Variants in BCKDHB observed in about 807,000 individuals in gnomAD.
BCKDHB encodes 2-oxoisovalerate dehydrogenase subunit beta, mitochondrial.
In BCKDHB, 41 loss-of-function variants were observed where a neutral mutation model predicts 48.5. The observed-to-expected ratio is 0.85, with a 90% CI of 0.66 to 1.10. The LOEUF is 1.10. Ranked by LOEUF, BCKDHB falls within the 50% of genes least tolerant of loss-of-function variation. The pLI, the probability that BCKDHB is intolerant of heterozygous loss-of-function variation, is 0.00. For synonymous variants in BCKDHB, 201 were observed against 174.8 expected, an observed-to-expected ratio of 1.15 and a Z score of -1.18; for missense variants, 496 against 494.2, an observed-to-expected ratio of 1.00 and a Z score of -0.03.
chr6:80,199,644 G>A (rs996074421), intron 6 of BCKDHB, among the ~76,000 whole-genome samples: 1 of 151,578 alleles, frequency 6.6e-6, no homozygotes, highest in Non-Finnish European at 1.5e-5. Context: ...GAGCGTGGTG[G>A]TGCGTGCCTG....
At chr6:80,408,450 C>A in the BCKDHB span, among the ~76,000 whole-genome samples, 1 of 151,830 alleles carries the variant, frequency 6.6e-6, no homozygotes. Context: ...TTTTTTTTAA[C>A]CTCTGGTAGA....
At chr6:80,302,199 G>A (rs1396663429) in intron 9 of BCKDHB, among the ~76,000 whole-genome samples, 1 of 152,064 alleles carries the variant, frequency 6.6e-6, no homozygotes, top group Non-Finnish European at 1.5e-5. Flanking sequence ...AAGAAATGAA[G>A]AAATCAAACT....
chr6:80,141,098 G>A (rs1275437355), intron 3 of BCKDHB, among the ~76,000 whole-genome samples: 1 of 152,134 alleles, frequency 6.6e-6, no homozygotes, highest in East Asian at 1.9e-4. Context: ...GCGTAGAGGT[G>A]TTTGTAGTAA....
the BCKDHB span, among the ~76,000 whole-genome samples, chr6:80,396,130 C>A: frequency 6.6e-6 from 1 of 152,300 alleles, no homozygotes; most frequent in South Asian, 2.1e-4. Context: ...ACAGAGTCCC[C>A]ACTGGGGTAT....
chr6:80,366,308 G>C, the BCKDHB span, among the ~76,000 whole-genome samples: 1 of 151,940 alleles, frequency 6.6e-6, no homozygotes, highest in African/African-American at 2.4e-5. Flanking sequence ...GACACAATTT[G>C]ATCTTGGGGA....
chr6:80,165,262 A>G (rs1054965340), intron 3 of BCKDHB, among the ~76,000 whole-genome samples: 4 of 152,178 alleles, frequency 2.6e-5, no homozygotes, highest in Admixed American at 6.5e-5. Context: ...CACTGGAATC[A>G]TAGATTTTCA....
At chr6:80,241,344 A>G (rs923633592) in intron 8 of BCKDHB, among the ~76,000 whole-genome samples, 10 of 152,034 alleles carry the variant, frequency 6.6e-5, no homozygotes, top group Admixed American at 4.6e-4. Context: ...TGATTTTTAG[A>G]ATTTTCAGCT....
chr6:80,203,267 G>A (rs111872218), intron 8 of BCKDHB, 55 bp downstream of exon 8: 2 of 1,204,674 alleles, frequency 1.7e-6, no homozygotes, highest in Admixed American at 1.7e-5. Flanking sequence ...GGCCAAATAT[G>A]TTGTATATTT....
At chr6:80,360,583 C>T in the BCKDHB span, among the ~76,000 whole-genome samples, 1 of 152,086 alleles carries the variant, frequency 6.6e-6, no homozygotes, top group African/African-American at 2.4e-5. Flanking sequence ...CTTAGTGATG[C>T]CATTTTTTTA....
At chr6:80,183,645 G>T (rs1773514066) in intron 6 of BCKDHB, among the ~76,000 whole-genome samples, 1 of 152,102 alleles carries the variant, frequency 6.6e-6, no homozygotes, top group Non-Finnish European at 1.5e-5. Flanking sequence ...CACTCTTAGT[G>T]TTGTACCTTC....
intron 8 of BCKDHB, among the ~76,000 whole-genome samples, chr6:80,259,296 A>G (rs1777189455): frequency 6.6e-6 from 1 of 152,174 alleles, no homozygotes; most frequent in Non-Finnish European, 1.5e-5. Context: ...TTATGGTTTC[A>G]GTGTCACTGA....
chr6:80,134,239 A>C (rs2322631), intron 3 of BCKDHB, among the ~76,000 whole-genome samples: 55,846 of 152,082 alleles, frequency 0.37, 12,268 homozygotes, highest in Admixed American at 0.56. Context: ...AGGCCTAAAC[A>C]TGTGCCTTTT....
chr6:80,398,466 A>G, the BCKDHB span, among the ~76,000 whole-genome samples: 4 of 152,046 alleles, frequency 2.6e-5, no homozygotes, highest in Non-Finnish European at 5.9e-5. Flanking sequence ...CAGACAAACC[A>G]GAAAACAAGA....
intron 9 of BCKDHB, among the ~76,000 whole-genome samples, chr6:80,301,564 A>G (rs2127991308): frequency 6.6e-6 from 1 of 152,296 alleles, no homozygotes; most frequent in African/African-American, 2.4e-5. Flanking sequence ...TCACAGTCAA[A>G]TTCTACCAGA....
intron 9 of BCKDHB, among the ~76,000 whole-genome samples, chr6:80,295,259 C>G (rs1344755486): frequency 3.9e-5 from 6 of 152,072 alleles, no homozygotes. Flanking sequence ...ATACCTGAAA[C>G]TGGGTAATTT....
chr6:80,247,563 C>T (rs1776667230), intron 8 of BCKDHB, among the ~76,000 whole-genome samples: 1 of 152,172 alleles, frequency 6.6e-6, no homozygotes, highest in Admixed American at 6.6e-5. Context: ...CTCTTGTTCA[C>T]TTGGATGTCT....
At chr6:80,162,458 C>T (rs931860171) in intron 3 of BCKDHB, among the ~76,000 whole-genome samples, 1 of 152,110 alleles carries the variant, frequency 6.6e-6, no homozygotes, top group Non-Finnish European at 1.5e-5. Context: ...GTTATTATTC[C>T]TTCTCTCCAT....
At chr6:80,131,155 A>G (rs1770609695) in intron 3 of BCKDHB, among the ~76,000 whole-genome samples, 1 of 152,120 alleles carries the variant, frequency 6.6e-6, no homozygotes. Context: ...TCTGCTGCTC[A>G]TACACTGGTG....
the BCKDHB span, among the ~76,000 whole-genome samples, chr6:80,371,373 A>G: frequency 2.6e-5 from 4 of 151,954 alleles, no homozygotes; most frequent in African/African-American, 9.7e-5. Context: ...TTCCTTGTAG[A>G]GTCAGGATAT....
Sources: gnomAD v4.1 joint callset for allele counts (sites outside exome capture counted in the v4.1 genomes callset) on GRCh38, gnomAD v4.1.1 for gene constraint, MANE v1.5 for transcripts, NCBI Gene and HGNC (gene_info 2026-07-23, HGNC 2026-07-21) for gene names.